The following ABCA5 variants were observed in gnomAD, a reference collection of about 807,000 sequenced individuals.
ABCA5 encodes the protein ATP binding cassette subfamily A member 5.
A neutral mutation model predicts 206.0 loss-of-function variants in ABCA5; 163 were observed. The ratio of observed to expected loss-of-function variants is 0.79; its 90% CI spans 0.70 to 0.90. The LOEUF (loss-of-function observed/expected upper bound fraction) is 0.90, where lower values mean the gene tolerates loss of function less well. Among genes scored for constraint, ABCA5 ranks in the 40% least tolerant of loss-of-function variants. The probability of loss-of-function intolerance (pLI) is 0.00; values close to 1 mark genes in which losing one functional copy is unlikely to be tolerated. For missense variants in ABCA5, 1,859 were observed against 1,912.9 expected (o/e 0.97, Z 0.53); for synonymous variants, 609 against 613.8 (o/e 0.99, Z 0.11).
rs374233150 is a variant in ABCA5 at position 69,268,065 on chromosome 17, C to T, written c.3031-9G>A. The T allele has an allele frequency of 1.7e-4, 219 of 1,308,198 alleles. No individual in the cohort carries two copies. Among genetic ancestry groups the T allele is most frequent in the South Asian group, 2.3e-4 (19 of 83,730 alleles). 81.0% of individuals were successfully genotyped at this position (1,308,198 alleles called of 1,614,324 possible). ...ACTATATCAGTAATTTCCTGAAAGA[C>T]AACCACAGAGTAACAAATGGAACTG... On this transcript the variant is annotated splice_polypyrimidine_tract_variant and intron_variant, in intron 22 of 38. Transcript: ENST00000392676.
intron 1 of ABCA5, among the ~76,000 whole-genome samples, chr17:69,322,289 G>A (rs998116765): frequency 4.4e-5 from 6 of 136,738 alleles, no homozygotes; most frequent in Admixed American, 1.7e-4. Context: ...AGAATCACTC[G>A]AACCCGGGAG....
intron 38 of ABCA5, among the ~76,000 whole-genome samples, chr17:69,247,861 T>C (rs958139170): frequency 1.3e-5 from 2 of 152,070 alleles, no homozygotes; most frequent in Non-Finnish European, 2.9e-5. Context: ...TAAAAAATAA[T>C]TCATAACTAC....
chr17:69,275,121 G>A (rs895086157), intron 19 of ABCA5, among the ~76,000 whole-genome samples: 1 of 152,210 alleles, frequency 6.6e-6, no homozygotes, highest in South Asian at 2.1e-4. Flanking sequence ...TGGGATTTCA[G>A]GTGTGAGCCA....
intron 7 of ABCA5, among the ~76,000 whole-genome samples, chr17:69,303,829 T>TATATATATAC (rs2075684445): frequency 6.9e-5 from 1 of 14,598 alleles, no homozygotes; most frequent in Non-Finnish European, 1.6e-4. Flanking sequence ...TATATATGTA[T>TATATATATAC]ATATATATAT....
intron 20 of ABCA5, 85 bp downstream of exon 20, chr17:69,273,868 TTAAATA>T: frequency 3.9e-6 from 5 of 1,278,680 alleles, no homozygotes; most frequent in Non-Finnish European, 5.3e-6. Context: ...TGCCTTTACC[TTAAATA>T]TAGTTTTAAA....
chr17:69,252,016 A>ACTTTTATATTCTTGTT, intron 34 of ABCA5, 150 bp from the exon 35 acceptor site: 1 of 612,598 alleles, frequency 1.6e-6, no homozygotes, highest in Non-Finnish European at 2.6e-6. Flanking sequence ...CCCAACTATG[A>ACTTTTATATTCTTGTT]TTTTTTTTTT....
At position 69,304,744 on chromosome 17, in the gene ABCA5, C is replaced by T. The variant is rs147214019; in HGVS notation, c.855G>A (p.Ala285=). 52 of 1,608,692 alleles carry T rather than the reference C, an allele frequency of 3.2e-5. No individual in the cohort carries two copies. Among genetic ancestry groups the T allele is most frequent in the Middle Eastern group, 3.3e-4 (2 of 6,002 alleles). The change falls in exon 7 of 39, where the codon GCG becomes GCA. Residue 285 remains alanine, a synonymous_variant. Coordinates refer to ENST00000392676, the MANE Select transcript of ABCA5 (RefSeq NM_172232.4). ...TTTGAGGAAATAACAAAGAAGCTGT[C>T]GCAATGACTGCCATAAGAAGGGACA... ...FLMSLLMAVI[A]TASLLFPQSS...
chr17:69,289,021 A>G (rs140871393), intron 14 of ABCA5, among the ~76,000 whole-genome samples, 156 bp downstream of exon 14: 181 of 152,332 alleles, frequency 1.2e-3, no homozygotes, highest in Middle Eastern at 3.4e-3. Flanking sequence ...TTCTGACTTC[A>G]CTTTTAAAAT....
chr17:69,267,902 C>A (rs778308336), intron 23 of ABCA5, 41 bp downstream of exon 23: 4 of 1,191,448 alleles, frequency 3.4e-6, no homozygotes, highest in Non-Finnish European at 3.7e-6. Flanking sequence ...TTATATGACA[C>A]TTCTTATTAG....
chr17:69,271,662 C>T (rs1186138437), intron 20 of ABCA5, among the ~76,000 whole-genome samples: 1 of 151,874 alleles, frequency 6.6e-6, no homozygotes, highest in Admixed American at 6.6e-5. Flanking sequence ...GCTGCTGCCA[C>T]CACTGCTGCT....
chr17:69,300,696 G>A (rs1327277581), intron 9 of ABCA5, among the ~76,000 whole-genome samples: 2 of 152,162 alleles, frequency 1.3e-5, no homozygotes, highest in African/African-American at 4.8e-5. Flanking sequence ...CACAGGTAAT[G>A]AGGAATACAA....
At chr17:69,300,061 A>G (rs1425063035) in intron 9 of ABCA5, among the ~76,000 whole-genome samples, 1 of 152,166 alleles carries the variant, frequency 6.6e-6, no homozygotes, top group Non-Finnish European at 1.5e-5. Flanking sequence ...TTTTATTTCT[A>G]TTATTATTAC....
rs73998220 is a variant in ABCA5, at chr17:69,260,791, C to T, written c.3564+334G>A. Among the ~76,000 whole-genome samples, 409 of 151,940 alleles carry T rather than the reference C, an allele frequency of 2.7e-3. 1 individual carries two copies. Among genetic ancestry groups the T allele is most frequent in the African/African-American group, 9.2e-3 (383 of 41,522 alleles). On this transcript the variant is annotated intron_variant, in intron 26 of 38. Coordinates refer to ENST00000392676, the MANE Select transcript of ABCA5 (RefSeq NM_172232.4). ...ATTTTTTCTTGGAGAAAATCTCTTA[C>T]ACTTTATTCTTTCTCATCCCTTTAT...
At chr17:69,298,306 A>G (rs1337606765) in intron 9 of ABCA5, among the ~76,000 whole-genome samples, 57 of 32,480 alleles carry the variant, frequency 1.8e-3, no homozygotes, top group South Asian at 5.8e-3. Context: ...AAGAGAAAGA[A>G]AGAGAGAGAG....
chr17:69,256,104 C>A (rs116635853), intron 29 of ABCA5, 53 bp downstream of exon 29: 1 of 1,496,360 alleles, frequency 6.7e-7, no homozygotes, highest in South Asian at 1.4e-5. Context: ...TTCTATATAC[C>A]GGGAATTGAT....
At chr17:69,270,249 T>C (rs2075257270) in intron 22 of ABCA5, among the ~76,000 whole-genome samples, 1 of 152,126 alleles carries the variant, frequency 6.6e-6, no homozygotes, top group African/African-American at 2.4e-5. Flanking sequence ...ATCCAACAGT[T>C]CTATCTAGAG....
intron 25 of ABCA5, 62 bp from the exon 26 acceptor site, chr17:69,261,321 G>A (rs2075144678): frequency 6.8e-7 from 1 of 1,460,396 alleles, no homozygotes; most frequent in East Asian, 2.3e-5. Flanking sequence ...ACAAATTGGT[G>A]TCTACGCATT....
intron 17 of ABCA5, among the ~76,000 whole-genome samples, chr17:69,285,666 A>C (rs2075443188): frequency 6.6e-6 from 1 of 152,058 alleles, no homozygotes; most frequent in African/African-American, 2.4e-5. Flanking sequence ...ACATTTTCTT[A>C]AGTATTTAAT....
chr17:69,296,828 G>C (rs1465261529), intron 10 of ABCA5, among the ~76,000 whole-genome samples: 1 of 152,166 alleles, frequency 6.6e-6, no homozygotes, highest in Non-Finnish European at 1.5e-5. Flanking sequence ...AGCCAGGCAT[G>C]GTGGCGCATG....
Sources: gnomAD v4.1 joint callset for allele counts (sites outside exome capture counted in the v4.1 genomes callset) on GRCh38, gnomAD v4.1.1 for gene constraint, MANE v1.5 for transcripts, NCBI Gene and HGNC (gene_info 2026-07-23, HGNC 2026-07-21) for gene names.